ADGRG6: variants seen among roughly 807,000 people sequenced by gnomAD.
The protein encoded by ADGRG6 is adhesion G protein-coupled receptor G6.
Under a neutral mutation model 142.4 loss-of-function variants are expected in ADGRG6, and 84 were observed. The observed-to-expected ratio is 0.59, with a 90% CI of 0.49 to 0.71. ADGRG6 has a LOEUF of 0.71. ADGRG6 is among the 30% of genes least tolerant of loss of function. The probability of loss-of-function intolerance (pLI) is 0.00; values close to 1 mark genes in which losing one functional copy is unlikely to be tolerated. For missense variants in ADGRG6, 1,367 were observed against 1,466.6 expected (o/e 0.93, Z 1.11); for synonymous variants, 521 against 520.5 (o/e 1.00, Z -0.01).
At chr6:142,434,215 A>G (rs1367528693) in intron 22 of ADGRG6, among the ~76,000 whole-genome samples, 1 of 150,424 alleles carries the variant, frequency 6.6e-6, no homozygotes, top group East Asian at 1.9e-4. Flanking sequence ...ATATAACCAT[A>G]TATTAATATC....
At chr6:142,415,179 T>G in intron 19 of ADGRG6, 83 bp downstream of exon 19, 1 of 1,057,858 alleles carries the variant, frequency 9.5e-7, no homozygotes. Context: ...TGAAAAACAT[T>G]TATACACTGT....
rs1457435945 is a variant in ADGRG6 at position 142,415,863 on chromosome 6, C to A, written c.2737C>A (p.Leu913Ile). 3 of 1,611,814 alleles carry A rather than the reference C, an allele frequency of 1.9e-6. No homozygotes were observed. The highest frequency in any genetic ancestry group is 1.3e-5 in the African/African-American group (1 of 74,872). ...NLSTALLFLN[L>I]LFLLDGWITS... ...GAGCACAGCCCTGCTGTTCCTGAAT[C>A]TCCTCTTCCTCCTAGATGGCTGGAT... The change falls in exon 20 of 25, where the codon CTC becomes ATC. Residue 913 changes from leucine to isoleucine, a missense_variant. Around this residue, in one of 3 missense-constraint regions of ADGRG6, gnomAD observed 286 missense variants for 371.4 expected, o/e 0.77. Transcript: ENST00000367609.
At position 142,374,676 on chromosome 6, in the gene ADGRG6, A is replaced by G. The variant is rs375251309; in HGVS notation, c.1069+3883A>G. 5.5e-3 allele frequency among the ~76,000 whole-genome samples: 837 copies of G among 152,312 alleles called. 43 individuals are homozygous for G. The South Asian group carries it at 0.12, about 22-fold the overall frequency. On this transcript the variant is annotated intron_variant, in intron 4 of 24. Coordinates refer to ENST00000367609, the MANE Select transcript of ADGRG6 (RefSeq NM_198569.3). The stretch of plus-strand genomic sequence containing the variant: ...TACGGGCCAGGAAACTGAAGCTTAG[A>G]CAAAAAAAAGTGGCAGAGGCAGTTG...
chr6:142,404,145 G>GTGGGT (rs1367858500), intron 14 of ADGRG6, 172 bp downstream of exon 14: 14 of 602,382 alleles, frequency 2.3e-5, no homozygotes, highest in Non-Finnish European at 2.9e-6. Context: ...GGAGCTCAGA[G>GTGGGT]TGGGTATGCT....
intron 22 of ADGRG6, among the ~76,000 whole-genome samples, chr6:142,436,953 G>T (rs1184332816): frequency 6.6e-6 from 1 of 152,086 alleles, no homozygotes; most frequent in African/African-American, 2.4e-5. Flanking sequence ...ACTTTTCTAT[G>T]GCCCAAGCTA....
At chr6:142,312,793 G>A (rs997736539) in intron 2 of ADGRG6, among the ~76,000 whole-genome samples, 10 of 152,172 alleles carry the variant, frequency 6.6e-5, no homozygotes, top group African/African-American at 1.7e-4. Flanking sequence ...TGGAAGAGAC[G>A]TTGTTCACTG....
At chr6:142,442,772 A>C (rs1210703310) in intron 24 of ADGRG6, among the ~76,000 whole-genome samples, 4 of 152,000 alleles carry the variant, frequency 2.6e-5, no homozygotes, top group Admixed American at 2.0e-4. Flanking sequence ...ATTTATTTTC[A>C]TTTGCTTGTA....
At chr6:142,438,177 G>A in intron 23 of ADGRG6, 35 bp from the exon 24 acceptor site, 1 of 1,448,364 alleles carries the variant, frequency 6.9e-7, no homozygotes. Flanking sequence ...TCCCGGTAAA[G>A]CAGATTGATA....
Position 142,392,938 on chromosome 6 carries a change from T to C in ADGRG6, c.1309-10T>C, listed in dbSNP as rs910562970. 2 of 1,585,288 alleles carry C rather than the reference T, an allele frequency of 1.3e-6. No individual in the cohort carries two copies. Among genetic ancestry groups the C allele is most frequent in the Non-Finnish European group, 1.7e-6 (2 of 1,154,794 alleles). On this transcript the variant is annotated splice_polypyrimidine_tract_variant and intron_variant, in intron 7 of 24. Coordinates refer to ENST00000367609, the MANE Select transcript of ADGRG6 (RefSeq NM_198569.3). ...TAGCAAAACTCAGCCTTTTCCATTG[T>C]GTTTTCCAGCTCAATTCAACCTTCC...
intron 18 of ADGRG6, among the ~76,000 whole-genome samples, chr6:142,413,486 T>C (rs915494412): frequency 6.6e-6 from 1 of 152,140 alleles, no homozygotes; most frequent in Non-Finnish European, 1.5e-5. Flanking sequence ...CAACATGAAA[T>C]TGTGTATAAA....
chr6:142,443,182 A>G (rs1052635758), intron 24 of ADGRG6, among the ~76,000 whole-genome samples, 155 bp from the exon 25 acceptor site: 4 of 152,170 alleles, frequency 2.6e-5, no homozygotes, highest in African/African-American at 9.6e-5. Context: ...AAAAACATGG[A>G]AGTTTAGTGT....
intron 4 of ADGRG6, among the ~76,000 whole-genome samples, chr6:142,378,180 A>G (rs1284722027): frequency 6.6e-6 from 1 of 152,052 alleles, no homozygotes; most frequent in East Asian, 1.9e-4. Context: ...AGCTCTTCTG[A>G]TTTTCTTTTC....
At chr6:142,414,079 CT>C (rs930635916) in intron 18 of ADGRG6, among the ~76,000 whole-genome samples, 6 of 152,062 alleles carry the variant, frequency 3.9e-5, no homozygotes, top group African/African-American at 1.4e-4. Context: ...CAATACATCC[CT>C]TCTGTAAGAA....
intron 4 of ADGRG6, 82 bp downstream of exon 4, chr6:142,370,875 CACACAA>C: frequency 7.6e-7 from 1 of 1,315,588 alleles, no homozygotes; most frequent in Non-Finnish European, 1.1e-6. Context: ...ATTATACATA[CACACAA>C]ATGTACCTGT....
At chr6:142,369,264 A>G (rs926258894) in intron 3 of ADGRG6, among the ~76,000 whole-genome samples, 12 of 152,202 alleles carry the variant, frequency 7.9e-5, no homozygotes, top group African/African-American at 2.4e-4. Flanking sequence ...TGCATGTATC[A>G]TGGATTAGGT....
chr6:142,315,375 A>G (rs558156790), intron 2 of ADGRG6, among the ~76,000 whole-genome samples: 228 of 152,120 alleles, frequency 1.5e-3, no homozygotes, highest in Middle Eastern at 3.4e-3. Flanking sequence ...ATGGAAAAAA[A>G]AAACAGAATG....
chr6:142,355,903 C>T (rs984481626), intron 2 of ADGRG6, among the ~76,000 whole-genome samples: 14 of 152,192 alleles, frequency 9.2e-5, no homozygotes, highest in African/African-American at 1.4e-4. Flanking sequence ...TGGTGAACTT[C>T]GTGAACTTTT....
rs749258410 is a variant in ADGRG6, at chr6:142,438,312, A to T, written c.3522A>T (p.Thr1174=). ...SSIGSNSTYL[T]SKSKSSSTTY... is the part of the protein sequence containing the mutation. ...TTGGTTCCAACTCAACCTATCTTAC[A>T]TCCAAATCTAAATCCAGCTCTACCA... The change falls in exon 24 of 25, where the codon ACA becomes ACT. Residue 1174 remains threonine (T), a synonymous_variant. Coordinates refer to ENST00000367609, the MANE Select transcript of ADGRG6 (RefSeq NM_198569.3). 2 of 1,609,692 alleles carry T rather than the reference A, an allele frequency of 1.2e-6. No homozygotes were observed. Among genetic ancestry groups the T allele is most frequent in the African/African-American group, 2.7e-5 (2 of 74,734 alleles).
chr6:142,405,856 T>A (rs759769106), intron 15 of ADGRG6, 28 bp downstream of exon 15: 11 of 1,508,610 alleles, frequency 7.3e-6, no homozygotes, highest in Middle Eastern at 1.8e-4. Context: ...ATTATTGTTT[T>A]TCAACTGCAA....
Sources: gnomAD v4.1 joint callset for allele counts (sites outside exome capture counted in the v4.1 genomes callset) on GRCh38, gnomAD v4.1.1 for gene constraint, gnomAD v4.1.1 regional missense constraint, MANE v1.5 for transcripts, NCBI Gene and HGNC (gene_info 2026-07-23, HGNC 2026-07-21) for gene names.